Variants in TXNL4A observed in about 807,000 individuals in gnomAD.
TXNL4A encodes the protein thioredoxin-like protein 4A.
Under a neutral mutation model 14.6 loss-of-function variants are expected in TXNL4A, and 17 were observed. The observed-to-expected ratio is 1.16, with a 90% CI of 0.80 to 1.74. The LOEUF (loss-of-function observed/expected upper bound fraction) is 1.74, where lower values mean the gene tolerates loss of function less well. Among genes scored for constraint, TXNL4A ranks in the 40% most tolerant of loss-of-function variants. The pLI is 0.00. For synonymous variants in TXNL4A, 83 were observed against 70.6 expected, an observed-to-expected ratio of 1.18 and a Z score of -0.88; for missense variants, 74 against 195.2, an observed-to-expected ratio of 0.38 and a Z score of 3.70.
intron 1 of TXNL4A, among the ~76,000 whole-genome samples, chr18:80,024,279 G>C (rs761682785): frequency 3.9e-5 from 6 of 152,234 alleles, no homozygotes; most frequent in Non-Finnish European, 5.9e-5. Context: ...GCAGAGAGCA[G>C]TCTCCAGCTT....
intron 2 of TXNL4A, among the ~76,000 whole-genome samples, chr18:79,975,482 C>T (rs931893567): frequency 2.0e-5 from 3 of 152,258 alleles, no homozygotes; most frequent in Non-Finnish European, 4.4e-5. Flanking sequence ...CCTGCAGCCT[C>T]CTTGCCCCTC....
intron 1 of TXNL4A, among the ~76,000 whole-genome samples, chr18:80,007,980 C>A (rs115820632): frequency 0.011 from 1,671 of 151,108 alleles, 22 homozygotes; most frequent in African/African-American, 0.035. Flanking sequence ...GTAAGACCCC[C>A]ATCTCTACAA....
At chr18:80,010,656 G>T (rs1438473845) in intron 1 of TXNL4A, among the ~76,000 whole-genome samples, 1 of 152,218 alleles carries the variant, frequency 6.6e-6, no homozygotes, top group South Asian at 2.1e-4. Context: ...GCCCAGCCTT[G>T]TTCCCTTATT....
intron 1 of TXNL4A, among the ~76,000 whole-genome samples, chr18:80,028,910 C>T (rs2051902738): frequency 6.6e-6 from 1 of 152,146 alleles, no homozygotes. Flanking sequence ...TATAAAAATC[C>T]CAGTCACTCA....
chr18:80,029,148 C>T (rs543019604), intron 1 of TXNL4A, among the ~76,000 whole-genome samples: 1 of 152,318 alleles, frequency 6.6e-6, no homozygotes, highest in South Asian at 2.1e-4. Flanking sequence ...ACCTAATAAC[C>T]ATTATTCCAG....
At chr18:79,989,783 T>C (rs1599734006), upstream of TXNL4A, among the ~76,000 whole-genome samples, 1 of 151,996 alleles carries the variant, frequency 6.6e-6, no homozygotes, top group Non-Finnish European at 1.5e-5. Context: ...TCGCCTATGG[T>C]CGGGAGTTCA....
Position 79,973,346 on chromosome 18 carries a change from C to T in TXNL4A, c.*339G>A, listed in dbSNP as rs1043145331. 9.0e-5 allele frequency: 19 copies of T among 210,442 alleles called. No homozygotes were observed. The highest frequency in any genetic ancestry group is 1.1e-4 in the East Asian group (1 of 8,784). The allele number at this position is 210,442 out of a possible 1,614,324, so 13.0% of individuals were successfully genotyped here. ...CACACATCTCTGTTAAAGCCCAGCTCGCGGCATATGCTGTCACCGCAGCCC... is the reference window on the plus strand; with the variant it reads ...CACACATCTCTGTTAAAGCCCAGCTTGCGGCATATGCTGTCACCGCAGCCC... On this transcript the variant is annotated 3_prime_UTR_variant, in exon 3 of 3. Transcript: ENST00000269601.
At chr18:80,014,638 G>A (rs954019055) in intron 1 of TXNL4A, among the ~76,000 whole-genome samples, 1 of 152,072 alleles carries the variant, frequency 6.6e-6, no homozygotes, top group African/African-American at 2.4e-5. Flanking sequence ...TCTGCTACAC[G>A]CCATGTTTAG....
chr18:79,992,418 C>T (rs1303250683), upstream of TXNL4A, among the ~76,000 whole-genome samples: 1 of 152,162 alleles, frequency 6.6e-6, no homozygotes, highest in Non-Finnish European at 1.5e-5. Flanking sequence ...GTGTCTCTGG[C>T]AGTGGTGAGA....
intron 1 of TXNL4A, among the ~76,000 whole-genome samples, chr18:80,025,495 T>C (rs1187914467): frequency 6.6e-6 from 1 of 152,178 alleles, no homozygotes; most frequent in Admixed American, 6.5e-5. Context: ...ACAGCCCCAA[T>C]GGCAGCGTCT....
intron 1 of TXNL4A, among the ~76,000 whole-genome samples, chr18:80,030,036 T>C (rs2049012036): frequency 6.6e-6 from 1 of 152,200 alleles, no homozygotes; most frequent in Non-Finnish European, 1.5e-5. Context: ...TACTATTGAC[T>C]AATCTATGTC....
Position 79,971,109 on chromosome 18 carries a change from A to T in TXNL4A, c.*2576T>A, listed in dbSNP as rs2051296501. ...CTAGAAATTCCGTATAAATGGAATC[A>T]CACAATATGTAGTAACTGGCTTTTC... On this transcript the variant is annotated 3_prime_UTR_variant, in exon 3 of 3. Transcript: ENST00000269601. 6.5e-6 allele frequency: 1 copy of T among 152,852 alleles called. No individual in the cohort carries two copies. Among genetic ancestry groups the T allele is most frequent in the Non-Finnish European group, 1.5e-5 (1 of 68,462 alleles). 9.5% of individuals were successfully genotyped at this position (152,852 alleles called of 1,614,324 possible). A position where few individuals can be genotyped will look rare whatever the true frequency, so the allele number is the denominator to read the frequency against.
intron 1 of TXNL4A, among the ~76,000 whole-genome samples, chr18:80,027,059 A>G (rs146205342): frequency 1.3e-4 from 20 of 152,338 alleles, no homozygotes; most frequent in African/African-American, 4.6e-4. Context: ...TGTTTACACC[A>G]GAAGCAGAAC....
intron 1 of TXNL4A, among the ~76,000 whole-genome samples, chr18:80,024,553 CTG>C (rs1423256402): frequency 6.6e-6 from 1 of 152,166 alleles, no homozygotes; most frequent in Non-Finnish European, 1.5e-5. Flanking sequence ...TAGCTCATGA[CTG>C]TGGAATCTTC....
rs930853141 is a variant in TXNL4A at position 79,971,732 on chromosome 18, G to A, written c.*1953C>T. 5 of 152,168 alleles carry A rather than the reference G, an allele frequency of 3.3e-5. No homozygotes were observed. Among genetic ancestry groups the A allele is most frequent in the Non-Finnish European group, 5.9e-5 (4 of 68,026 alleles). The allele number at this position is 152,168 out of a possible 1,614,324, so 9.4% of individuals were successfully genotyped here. On this transcript the variant is annotated 3_prime_UTR_variant, in exon 3 of 3. Transcript: ENST00000269601. ...CCACATCCTTGCAAACGCTTGTTGC[G>A]ATCTTTTTGTATCTAGCCGAACTTG...
intron 1 of TXNL4A, among the ~76,000 whole-genome samples, chr18:80,013,546 T>C (rs1201947588): frequency 6.6e-6 from 1 of 152,144 alleles, no homozygotes; most frequent in Non-Finnish European, 1.5e-5. Context: ...ACGATTCTCC[T>C]GCCTCAGCCT....
Position 79,993,936 on chromosome 18 carries a change from G to C in TXNL4A, c.-60-16235C>G, listed in dbSNP as rs374159249. On this transcript the variant is annotated intron_variant, in intron 1 of 2. Transcript: ENST00000585474. The surrounding 1 kb of genome is among the most constrained non-coding windows in gnomAD (Gnocchi z 4.4). ...ACTTTACCAGGTAGCCGCGACAAGC[G>C]TGGACTGAACTGGTTCAAGGAATAA... 1.3e-5 allele frequency among the ~76,000 whole-genome samples: 2 copies of C among 152,166 alleles called. No homozygotes were observed. The highest frequency in any genetic ancestry group is 2.9e-5 in the Non-Finnish European group (2 of 68,032).
chr18:80,006,729 G>A (rs980092602), intron 1 of TXNL4A, among the ~76,000 whole-genome samples: 13 of 152,170 alleles, frequency 8.5e-5, no homozygotes, highest in Non-Finnish European at 1.8e-4. Flanking sequence ...GTTCCCTTGT[G>A]CAGAGTGAGG....
chr18:79,988,570 GCA>G, upstream of TXNL4A: 1 of 593,684 alleles, frequency 1.7e-6, no homozygotes, highest in Non-Finnish European at 2.5e-6. Context: ...GTCTGGGCGC[GCA>G]CGCACCGACG....
Sources: gnomAD v4.1 joint callset for allele counts (sites outside exome capture counted in the v4.1 genomes callset) on GRCh38, gnomAD v4.1.1 for gene constraint, Gnocchi (gnomAD v3.1) non-coding constraint, MANE v1.5 for transcripts, NCBI Gene and HGNC (gene_info 2026-07-23, HGNC 2026-07-21) for gene names.